The following ZIM2 variants were observed in gnomAD, a reference collection of about 807,000 sequenced individuals.
ZIM2 encodes zinc finger protein 656.
Under a neutral mutation model 38.6 loss-of-function variants are expected in ZIM2, and 14 were observed. The ratio of observed to expected loss-of-function variants is 0.36; its 90% confidence interval spans 0.24 to 0.57. The LOEUF is 0.57. Ranked by LOEUF, ZIM2 falls within the 20% of genes least tolerant of loss-of-function variation. ZIM2 has a pLI of 0.81. For synonymous variants in ZIM2, 247 were observed against 245.8 expected (o/e 1.00, Z -0.04); for missense variants, 680 against 695.1 (o/e 0.98, Z 0.24).
chr19:56,795,113 G>A (rs1026578492), intron 9 of ZIM2, among the ~76,000 whole-genome samples: 2 of 151,790 alleles, frequency 1.3e-5, no homozygotes, highest in African/African-American at 4.8e-5. Flanking sequence ...GGAGTGCAGT[G>A]GCGCAATCTT....
intron 1 of ZIM2, among the ~76,000 whole-genome samples, chr19:56,837,808 C>T (rs909394939): frequency 6.6e-6 from 1 of 152,254 alleles, no homozygotes; most frequent in African/African-American, 2.4e-5. Flanking sequence ...ATGGCGCCTG[C>T]GCAGTACACC....
intron 9 of ZIM2, among the ~76,000 whole-genome samples, chr19:56,790,635 T>C (rs1461135471): frequency 1.3e-5 from 2 of 152,256 alleles, no homozygotes; most frequent in Non-Finnish European, 2.9e-5. Flanking sequence ...GTAGTGATGC[T>C]AACCTACTGT....
At chr19:56,829,444 T>C (rs564171814) in intron 2 of ZIM2, among the ~76,000 whole-genome samples, 1 of 151,974 alleles carries the variant, frequency 6.6e-6, no homozygotes, top group South Asian at 2.1e-4. Flanking sequence ...CACAAAATAA[T>C]GGCAGGTAAC....
chr19:56,823,393 G>A (rs965280286), intron 5 of ZIM2, among the ~76,000 whole-genome samples, 197 bp downstream of exon 5: 8 of 152,158 alleles, frequency 5.3e-5, no homozygotes, highest in African/African-American at 1.4e-4. Context: ...ACGGTATTAA[G>A]TATTTAAGGT....
At chr19:56,781,172 T>G (rs1300260443) in intron 11 of ZIM2, among the ~76,000 whole-genome samples, 1 of 152,206 alleles carries the variant, frequency 6.6e-6, no homozygotes, top group Non-Finnish European at 1.5e-5. Context: ...GTTAAACATA[T>G]GCATCCCTGT....
At chr19:56,789,807 G>A in intron 10 of ZIM2, 65 bp downstream of exon 10, 1 of 1,349,752 alleles carries the variant, frequency 7.4e-7, no homozygotes. Context: ...AAATAAGGAA[G>A]TCCACAAATT....
intron 1 of ZIM2, among the ~76,000 whole-genome samples, chr19:56,838,364 C>G (rs10408923): frequency 0.021 from 3,192 of 152,334 alleles, 112 homozygotes; most frequent in African/African-American, 0.072. Flanking sequence ...GGGCGCCACC[C>G]TGTGGCTAGC....
intron 9 of ZIM2, chr19:56,815,806 T>A: frequency 6.2e-7 from 1 of 1,613,634 alleles, no homozygotes; most frequent in Non-Finnish European, 8.5e-7. Context: ...ACAAGGGTTC[T>A]CTCTGGCAGG....
At chr19:56,836,694 C>T (rs141548794) in intron 1 of ZIM2, among the ~76,000 whole-genome samples, 3 of 152,124 alleles carry the variant, frequency 2.0e-5, no homozygotes, top group African/African-American at 4.8e-5. Flanking sequence ...AAAGGATGGG[C>T]GCAGTGACTC....
chr19:56,800,724 G>T (rs1340388593), intron 9 of ZIM2, among the ~76,000 whole-genome samples: 1 of 152,120 alleles, frequency 6.6e-6, no homozygotes, highest in Non-Finnish European at 1.5e-5. Flanking sequence ...TAAAATGACC[G>T]ATTATTTTAA....
chr19:56,812,984 G>A, intron 9 of ZIM2: 2 of 985,720 alleles, frequency 2.0e-6, no homozygotes, highest in African/African-American at 3.5e-5. Context: ...CAGATGAAAT[G>A]GCTGCAGAAA....
At chr19:56,785,967 A>G (rs758645770) in intron 10 of ZIM2, among the ~76,000 whole-genome samples, 1 of 152,184 alleles carries the variant, frequency 6.6e-6, no homozygotes, top group Non-Finnish European at 1.5e-5. Flanking sequence ...CATCACCCCA[A>G]TAAATTTCAG....
At chr19:56,838,432 A>G (rs1250326546) in intron 1 of ZIM2, among the ~76,000 whole-genome samples, 3 of 152,096 alleles carry the variant, frequency 2.0e-5, no homozygotes, top group Non-Finnish European at 4.4e-5. Flanking sequence ...TCTCAGCCCT[A>G]TCAGTCCCGA....
At chr19:56,781,671 CAAT>C (rs1005096946) in intron 11 of ZIM2, among the ~76,000 whole-genome samples, 13 of 152,102 alleles carry the variant, frequency 8.5e-5, no homozygotes, top group African/African-American at 2.9e-4. Context: ...ATAACAACAA[CAAT>C]AAGTATACCT....
Position 56,812,574 on chromosome 19 carries a change from G to A in ZIM2, c.490+5172C>T, listed in dbSNP as rs563552463. On this transcript the variant is annotated intron_variant, in intron 9 of 12. Transcript: ENST00000629319. ...CAGCATAAGCTGATGCTGCACAGGG[G>A]ACCCAAGCCATGTTGCTACTTGTCA... The A allele has an allele frequency of 1.0e-4, 103 of 985,762 alleles. No individual in the cohort carries two copies. The South Asian group carries it at 4.4e-3, about 42-fold the overall frequency. 61.1% of individuals were successfully genotyped at this position (985,762 alleles called of 1,614,324 possible). A position where few individuals can be genotyped will look rare whatever the true frequency, so the allele number is the denominator to read the frequency against.
chr19:56,839,948 A>G (rs974460476), intron 1 of ZIM2, among the ~76,000 whole-genome samples: 2 of 152,214 alleles, frequency 1.3e-5, no homozygotes, highest in African/African-American at 4.8e-5. Context: ...TATTTAAGAT[A>G]CCGCCCGAGA....
At chr19:56,839,017 C>A (rs1026277541) in intron 1 of ZIM2, among the ~76,000 whole-genome samples, 13 of 152,254 alleles carry the variant, frequency 8.5e-5, no homozygotes, top group African/African-American at 2.6e-4. Context: ...GCAACGCCTG[C>A]GCGGCAAACC....
chr19:56,776,849 A>G (rs945604447), intron 12 of ZIM2, among the ~76,000 whole-genome samples: 2 of 152,126 alleles, frequency 1.3e-5, no homozygotes, highest in African/African-American at 4.8e-5. Flanking sequence ...GAGTTTATAT[A>G]AAACAGCCTG....
chr19:56,800,934 C>CTT (rs776316373), intron 9 of ZIM2, among the ~76,000 whole-genome samples: 22 of 135,994 alleles, frequency 1.6e-4, no homozygotes, highest in African/African-American at 3.0e-4. Flanking sequence ...GATGGTATTA[C>CTT]TTTTTTTTTT....
Sources: allele counts gnomAD v4.1 joint callset (sites outside exome capture counted in the v4.1 genomes callset), GRCh38; gene constraint gnomAD v4.1.1; transcripts MANE v1.5; gene names NCBI Gene and HGNC (gene_info 2026-07-23, HGNC 2026-07-21).